SCEL: variants seen among roughly 807,000 people sequenced by gnomAD.
SCEL encodes the protein sciellin.
SCEL carries 113 observed loss-of-function variants against 117.6 expected under a neutral mutation model. That is an observed-to-expected ratio of 0.96 (90% CI 0.83 to 1.12). The LOEUF is 1.12. Ranked by LOEUF, SCEL falls within the 50% of genes most tolerant of loss-of-function variation. SCEL has a pLI of 0.00. For synonymous variants in SCEL, 270 were observed against 256.2 expected (o/e 1.05, Z -0.51); for missense variants, 785 against 810.8 (o/e 0.97, Z 0.39).
At chr13:77,556,234 T>C (rs541585792) in intron 2 of SCEL, among the ~76,000 whole-genome samples, 74 of 152,342 alleles carry the variant, frequency 4.9e-4, no homozygotes, top group African/African-American at 1.8e-3. Context: ...CTATGTATTA[T>C]AAAAACAGTC....
intron 32 of SCEL, among the ~76,000 whole-genome samples, chr13:77,643,712 G>A (rs116674303): frequency 6.6e-6 from 1 of 152,040 alleles, no homozygotes; most frequent in African/African-American, 2.4e-5. Flanking sequence ...AAAATGCTCT[G>A]AAAAAAATAT....
intron 28 of SCEL, among the ~76,000 whole-genome samples, chr13:77,633,160 G>A (rs2090100784): frequency 6.7e-6 from 1 of 150,122 alleles, no homozygotes; most frequent in Non-Finnish European, 1.5e-5. Flanking sequence ...ACACAGGCCG[G>A]GCGCGGTGGC....
In SCEL at chr13:77,572,162, C is replaced by T. The variant is rs143177767; in HGVS notation, c.518C>T (p.Ala173Val). ...CCACCGCCCCCTCCAGGTTACAATG[C>T]CTCCTCGAGCACAGGAACCAGGAGA... Reference protein sequence around the residue: ...WFPPPPPGYNASSSTGTRRRE... With the variant: ...WFPPPPPGYNVSSSTGTRRRE... The change falls in exon 9 of 33, where the codon GCC becomes GTC. Residue 173 changes from alanine (A) to valine (V), a missense_variant. Transcript: ENST00000349847. 1.0e-4 allele frequency: 163 copies of T among 1,612,130 alleles called. No homozygotes were observed. Among genetic ancestry groups the T allele is most frequent in the Non-Finnish European group, 1.3e-4 (157 of 1,179,034 alleles).
intron 3 of SCEL, among the ~76,000 whole-genome samples, chr13:77,557,733 C>A (rs971692151): frequency 6.6e-6 from 1 of 152,110 alleles, no homozygotes; most frequent in Non-Finnish European, 1.5e-5. Flanking sequence ...GTATTTAATG[C>A]GTAGAGAACA....
At chr13:77,549,987 A>G (rs1249652081) in intron 1 of SCEL, among the ~76,000 whole-genome samples, 1 of 151,478 alleles carries the variant, frequency 6.6e-6, no homozygotes, top group African/African-American at 2.4e-5. Context: ...TCCAGCTCAA[A>G]GATGGCCTGG....
rs895995382 is a variant in SCEL at position 77,555,260 on chromosome 13, C to T, written c.-19-597C>T. On this transcript the variant is annotated intron_variant, in intron 1 of 32. Transcript: ENST00000349847. The stretch of plus-strand genomic sequence containing the variant: ...GTGGGTTACCTTAACCCCTTAACAC[C>T]AGAAGAGTAGTTCAGGAACTTTGAG... Among the ~76,000 whole-genome samples, 7 of 152,264 alleles carry T rather than the reference C, an allele frequency of 4.6e-5. 1 individual carries two copies. In the South Asian group the frequency reaches 8.3e-4, roughly 18 times the overall value.
chr13:77,567,189 C>A (rs1313481471), intron 5 of SCEL, among the ~76,000 whole-genome samples: 2 of 152,186 alleles, frequency 1.3e-5, no homozygotes, highest in Non-Finnish European at 2.9e-5. Flanking sequence ...TGCCTTGGCT[C>A]ACACGTGTAA....
intron 28 of SCEL, among the ~76,000 whole-genome samples, chr13:77,630,311 T>A (rs2089966569): frequency 6.6e-6 from 1 of 152,188 alleles, no homozygotes. Context: ...CTAAATGGTT[T>A]GTGACTATGA....
intron 1 of SCEL, among the ~76,000 whole-genome samples, chr13:77,553,221 G>T (rs192584244): frequency 1.3e-5 from 2 of 152,184 alleles, no homozygotes; most frequent in Admixed American, 1.3e-4. Context: ...AGAAAGAAAA[G>T]ATTTAGGCCT....
intron 30 of SCEL, among the ~76,000 whole-genome samples, 160 bp from the exon 31 acceptor site, chr13:77,640,515 TA>T (rs2090507255): frequency 6.6e-6 from 1 of 152,168 alleles, no homozygotes; most frequent in South Asian, 2.1e-4. Flanking sequence ...TCAATTATAT[TA>T]CTAGAATAAA....
At chr13:77,580,603 C>A (rs1191702283) in intron 9 of SCEL, among the ~76,000 whole-genome samples, 1 of 152,078 alleles carries the variant, frequency 6.6e-6, no homozygotes, top group Non-Finnish European at 1.5e-5. Flanking sequence ...GGTTAAATGG[C>A]ATGTAAAGCT....
At chr13:77,605,778 G>A (rs534643786) in intron 19 of SCEL, among the ~76,000 whole-genome samples, 41 of 152,152 alleles carry the variant, frequency 2.7e-4, no homozygotes, top group African/African-American at 9.2e-4. Context: ...AGGCCGAGGC[G>A]GGTGGATCAC....
In SCEL at chr13:77,603,145, AT is replaced by A; in HGVS notation, c.1097+12del. ...ATGAAAATACCACTGGGTAAAAATA[AT>A]TAATGTCTTTAATTATGGTTTCTGT... On this transcript the variant is annotated intron_variant, in intron 18 of 32. Transcript: ENST00000349847. The A allele has an allele frequency of 6.7e-7, 1 of 1,489,406 alleles. No individual in the cohort carries two copies. 92.3% of individuals were successfully genotyped at this position (1,489,406 alleles called of 1,614,324 possible). A position where few individuals can be genotyped will look rare whatever the true frequency, so the allele number is the denominator to read the frequency against.
intron 1 of SCEL, among the ~76,000 whole-genome samples, chr13:77,545,750 C>T (rs621585): frequency 0.042 from 6,436 of 152,206 alleles, 458 homozygotes; most frequent in African/African-American, 0.15. Flanking sequence ...AAGAGAGCAG[C>T]GAGGCTGGAA....
At chr13:77,557,814 A>G (rs535298295) in intron 3 of SCEL, among the ~76,000 whole-genome samples, 72 of 152,316 alleles carry the variant, frequency 4.7e-4, no homozygotes, top group Middle Eastern at 3.4e-3. Context: ...CCAAAGTGTC[A>G]ATAGTCCTGC....
intron 27 of SCEL, among the ~76,000 whole-genome samples, chr13:77,622,913 C>T (rs765690986): frequency 4.6e-5 from 7 of 152,086 alleles, no homozygotes; most frequent in Non-Finnish European, 4.4e-5. Context: ...TAACAATTTG[C>T]TCTTCAATAA....
chr13:77,559,681 A>G (rs2084863621), intron 3 of SCEL, 123 bp from the exon 4 acceptor site: 10 of 714,868 alleles, frequency 1.4e-5, no homozygotes, highest in Non-Finnish European at 2.2e-5. Context: ...TGTTCTCACA[A>G]CTGAAGTAAA....
chr13:77,627,322 C>G (rs2089790366), intron 27 of SCEL, among the ~76,000 whole-genome samples: 2 of 152,130 alleles, frequency 1.3e-5, no homozygotes, highest in Non-Finnish European at 2.9e-5. Flanking sequence ...TGAGATAATC[C>G]TTGTGAAAAC....
intron 1 of SCEL, among the ~76,000 whole-genome samples, chr13:77,551,925 A>G (rs1232576697): frequency 7.3e-6 from 1 of 136,388 alleles, no homozygotes; most frequent in Non-Finnish European, 1.5e-5. Context: ...ATTCCCATCT[A>G]TGAGTGAGAA....
Sources: gnomAD v4.1 joint callset for allele counts (sites outside exome capture counted in the v4.1 genomes callset) on GRCh38, gnomAD v4.1.1 for gene constraint, MANE v1.5 for transcripts, NCBI Gene and HGNC (gene_info 2026-07-23, HGNC 2026-07-21) for gene names.